SYT1: variants seen among roughly 807,000 people sequenced by gnomAD.
The protein encoded by SYT1 is synaptotagmin-1.
In SYT1, 8 loss-of-function variants were observed where a neutral mutation model predicts 44.8. The observed-to-expected ratio is 0.18, with a 90% confidence interval of 0.10 to 0.32. The LOEUF is 0.32. SYT1 is among the 10% of genes least tolerant of loss of function. The pLI is 1.00. For synonymous variants in SYT1, 154 were observed against 188.8 expected, an observed-to-expected ratio of 0.82 and a Z score of 1.51; for missense variants, 286 against 509.3, an observed-to-expected ratio of 0.56 and a Z score of 4.22.
intron 9 of SYT1, among the ~76,000 whole-genome samples, chr12:79,410,506 C>CAAAAA (rs5799432): frequency 6.1e-3 from 464 of 75,666 alleles, no homozygotes; most frequent in African/African-American, 0.01. Flanking sequence ...TGTTCAAAGT[C>CAAAAA]AAAAAAAAAA....
At chr12:79,165,084 A>T (rs1401201616) in intron 3 of SYT1, among the ~76,000 whole-genome samples, 4 of 151,926 alleles carry the variant, frequency 2.6e-5, no homozygotes, top group Non-Finnish European at 4.4e-5. Flanking sequence ...TATCTTCAAA[A>T]TTTTTGCTGA....
At chr12:79,191,965 A>G (rs948992112) in intron 3 of SYT1, among the ~76,000 whole-genome samples, 2 of 152,152 alleles carry the variant, frequency 1.3e-5, no homozygotes, top group Non-Finnish European at 2.9e-5. Flanking sequence ...AAGTGGTGAC[A>G]TTAGGAGCTG....
At chr12:78,949,682 C>T (rs1198043969) in intron 1 of SYT1, among the ~76,000 whole-genome samples, 1 of 151,802 alleles carries the variant, frequency 6.6e-6, no homozygotes, top group Non-Finnish European at 1.5e-5. Context: ...AGGCAAGTAA[C>T]AAAATTTATT....
At chr12:79,428,502 T>G (rs1869580659) in intron 9 of SYT1, among the ~76,000 whole-genome samples, 1 of 152,174 alleles carries the variant, frequency 6.6e-6, no homozygotes, top group African/African-American at 2.4e-5. Context: ...ACCCCATGTC[T>G]GAGGGGTGGC....
intron 8 of SYT1, among the ~76,000 whole-genome samples, chr12:79,339,930 C>T (rs972636139): frequency 1.1e-4 from 17 of 152,158 alleles, no homozygotes; most frequent in Admixed American, 1.1e-3. Flanking sequence ...AATAGGGAAT[C>T]CTTTCCCCAT....
intron 1 of SYT1, among the ~76,000 whole-genome samples, chr12:78,907,603 A>G (rs917238617): frequency 6.6e-6 from 1 of 152,010 alleles, no homozygotes; most frequent in African/African-American, 2.4e-5. Flanking sequence ...TACTTATTAG[A>G]GCATTCAACA....
intron 8 of SYT1, among the ~76,000 whole-genome samples, chr12:79,345,947 A>G (rs1400163589): frequency 1.3e-5 from 2 of 152,208 alleles, no homozygotes; most frequent in South Asian, 4.1e-4. Context: ...CCATCTACTC[A>G]TCAAAGAATC....
chr12:78,929,446 A>AAAAAAAAAAAAAAAAAAAAAAAAAAG (rs373264605), intron 1 of SYT1, among the ~76,000 whole-genome samples: 10 of 128,504 alleles, frequency 7.8e-5, no homozygotes, highest in African/African-American at 3.5e-4. Context: ...AAAAAAAAAA[A>AAAAAAAAAAAAAAAAAAAAAAAAAAG]GGTTATTAGC....
intron 9 of SYT1, among the ~76,000 whole-genome samples, chr12:79,387,861 C>T (rs2136086134): frequency 6.6e-6 from 1 of 152,300 alleles, no homozygotes. Flanking sequence ...TTGAAAACTT[C>T]TATAATATCT....
chr12:79,239,836 G>C (rs1377831761), intron 4 of SYT1, among the ~76,000 whole-genome samples: 3 of 152,076 alleles, frequency 2.0e-5, no homozygotes, highest in African/African-American at 7.2e-5. Context: ...TGAAATTACA[G>C]GACTGAGACC....
chr12:79,373,610 TG>T (rs1883880175), intron 9 of SYT1, among the ~76,000 whole-genome samples: 1 of 152,188 alleles, frequency 6.6e-6, no homozygotes, highest in Admixed American at 6.6e-5. Context: ...ATCAAAAAAA[TG>T]CCTCACAAAT....
intron 3 of SYT1, among the ~76,000 whole-genome samples, chr12:79,086,440 T>A (rs780205112): frequency 3.3e-5 from 5 of 152,170 alleles, no homozygotes; most frequent in Admixed American, 2.0e-4. Flanking sequence ...CGAAAAATAT[T>A]TTCTGCAGAT....
At position 79,060,277 on chromosome 12, in the gene SYT1, C is replaced by A. The variant is rs569207850; in HGVS notation, c.-18+12915C>A. 1.1e-3 allele frequency among the ~76,000 whole-genome samples: 162 copies of A among 152,010 alleles called. 1 individual carries two copies. The highest frequency in any genetic ancestry group is 2.1e-3 in the Non-Finnish European group (140 of 67,966). On this transcript the variant is annotated intron_variant, in intron 3 of 10. Transcript: ENST00000261205. ...CCCTGTAACAAAAAGCTTTTATTTT[C>A]AAGAGCTGTATCTTTAGCCATTTTT...
intron 4 of SYT1, among the ~76,000 whole-genome samples, chr12:79,280,191 C>A (rs1185836823): frequency 6.6e-6 from 1 of 151,770 alleles, no homozygotes; most frequent in Non-Finnish European, 1.5e-5. Context: ...CCTAAGCAAT[C>A]CTAAACAAAA....
chr12:79,024,507 A>C (rs572730595), intron 2 of SYT1, among the ~76,000 whole-genome samples: 1 of 151,986 alleles, frequency 6.6e-6, no homozygotes, highest in Non-Finnish European at 1.5e-5. Flanking sequence ...TCATTTAATA[A>C]TCAAATATTA....
intron 3 of SYT1, among the ~76,000 whole-genome samples, chr12:79,145,345 C>A (rs1017903316): frequency 2.6e-5 from 4 of 151,988 alleles, no homozygotes; most frequent in Non-Finnish European, 4.4e-5. Flanking sequence ...AATTAACAAC[C>A]TTTGTCATTT....
At chr12:79,196,174 TG>T (rs1873443884) in intron 3 of SYT1, among the ~76,000 whole-genome samples, 1 of 54,794 alleles carries the variant, frequency 1.8e-5, no homozygotes, top group Non-Finnish European at 4.6e-5. Context: ...TTGTTGTTGT[TG>T]TTGTTGTTGT....
At chr12:79,314,746 C>G (rs1432165505) in intron 8 of SYT1, among the ~76,000 whole-genome samples, 7 of 152,016 alleles carry the variant, frequency 4.6e-5, no homozygotes, top group Non-Finnish European at 1.0e-4. Flanking sequence ...CTCATGTATA[C>G]ACACCAAAAA....
intron 6 of SYT1, among the ~76,000 whole-genome samples, chr12:79,293,837 A>G (rs1056464884): frequency 2.6e-5 from 4 of 152,194 alleles, no homozygotes; most frequent in African/African-American, 7.2e-5. Flanking sequence ...AGAAAACTAC[A>G]TTATTGGTTT....
Sources: allele counts gnomAD v4.1 joint callset (sites outside exome capture counted in the v4.1 genomes callset), GRCh38; gene constraint gnomAD v4.1.1; transcripts MANE v1.5; gene names NCBI Gene and HGNC (gene_info 2026-07-23, HGNC 2026-07-21).